The following CLSTN1 variants were observed in gnomAD, a reference collection of about 807,000 sequenced individuals.
The protein encoded by CLSTN1 is calsyntenin-1.
In CLSTN1, 28 loss-of-function variants were observed where a neutral mutation model predicts 108.3. The observed-to-expected ratio is 0.26, with a 90% CI of 0.19 to 0.35. The LOEUF (loss-of-function observed/expected upper bound fraction) is 0.35. CLSTN1 is among the 10% of genes least tolerant of loss of function. The pLI is 1.00. For missense variants in CLSTN1, 1,157 were observed against 1,302.6 expected (o/e 0.89, Z 1.72); for synonymous variants, 524 against 534.9 (o/e 0.98, Z 0.28).
At chr1:9,767,354 G>A (rs932059926) in intron 2 of CLSTN1, among the ~76,000 whole-genome samples, 2 of 152,046 alleles carry the variant, frequency 1.3e-5, no homozygotes, top group Non-Finnish European at 2.9e-5. Flanking sequence ...ACCAGCCTGG[G>A]GAACACGGTA....
In CLSTN1 at chr1:9,736,051, C is replaced by G; in HGVS notation, c.1577-9G>C. On this transcript the variant is annotated splice_polypyrimidine_tract_variant and intron_variant, in intron 11 of 18. Transcript: ENST00000377298. ...CATGTGCAGGTCGCCACCTTTGGGT[C>G]AGGGGAGAAAAGGCGAAGTCAGGCG... 1.2e-6 allele frequency: 2 copies of G among 1,614,078 alleles called. No homozygotes were observed. The highest frequency in any genetic ancestry group is 1.6e-4 in the Middle Eastern group (1 of 6,062).
intron 2 of CLSTN1, among the ~76,000 whole-genome samples, chr1:9,767,737 C>T (rs1012329042): frequency 5.3e-5 from 8 of 152,094 alleles, no homozygotes; most frequent in Non-Finnish European, 1.2e-4. Flanking sequence ...AAATAAGGCT[C>T]CAGGTCTAGC....
At chr1:9,777,876 G>C (rs1437542614) in intron 1 of CLSTN1, among the ~76,000 whole-genome samples, 1 of 152,048 alleles carries the variant, frequency 6.6e-6, no homozygotes, top group African/African-American at 2.4e-5. Flanking sequence ...ATCCTGCCAG[G>C]GTTTCAGGGA....
chr1:9,772,788 G>A (rs1322956394), intron 2 of CLSTN1, among the ~76,000 whole-genome samples: 5 of 152,226 alleles, frequency 3.3e-5, no homozygotes, highest in Admixed American at 1.3e-4. Flanking sequence ...TATAAAGACC[G>A]CTCAACTTCT....
intron 2 of CLSTN1, among the ~76,000 whole-genome samples, chr1:9,762,650 C>T (rs866985279): frequency 2.2e-5 from 3 of 135,184 alleles, no homozygotes; most frequent in Admixed American, 7.7e-5. Flanking sequence ...CTGTCCCTGA[C>T]GTTGGGTGAC....
chr1:9,799,198 A>T (rs1285607470), intron 1 of CLSTN1, among the ~76,000 whole-genome samples: 1 of 152,060 alleles, frequency 6.6e-6, no homozygotes, highest in Non-Finnish European at 1.5e-5. Flanking sequence ...AAAAAAATAC[A>T]TAAATTTTAA....
At chr1:9,816,654 C>CT (rs1163617751) in intron 1 of CLSTN1, among the ~76,000 whole-genome samples, 6 of 150,132 alleles carry the variant, frequency 4.0e-5, no homozygotes, top group East Asian at 2.0e-4. Flanking sequence ...CAAAAGTGGT[C>CT]TTTTTTTTTG....
chr1:9,735,023 A>G lies in CLSTN1; in HGVS notation c.2035T>C (p.Phe679Leu). 6.2e-7 allele frequency: 1 copy of G among 1,614,236 alleles called. No individual in the cohort carries two copies. Among genetic ancestry groups the G allele is most frequent in the Non-Finnish European group, 8.5e-7 (1 of 1,180,044 alleles). Residue 679 changes from phenylalanine (F) to leucine (L), a missense_variant, in exon 14 of 19, where the codon TTC (phenylalanine) becomes CTC (leucine). Coordinates refer to ENST00000377298, the MANE Select transcript of CLSTN1 (RefSeq NM_001009566.3). ...EFESSEGVFL[F>L]PELRIISTIT... ...GTGCTGATGATGCGAAGCTCAGGGA[A>G]AAGGAACACCCCTTCTGAGCTTTCA...
At chr1:9,772,298 C>T (rs967009367) in intron 2 of CLSTN1, among the ~76,000 whole-genome samples, 4 of 151,506 alleles carry the variant, frequency 2.6e-5, no homozygotes, top group Non-Finnish European at 5.9e-5. Context: ...CTCTTTAATA[C>T]GAGAAGTTTT....
chr1:9,788,879 A>C lies in CLSTN1; in HGVS notation c.92-15485T>G, dbSNP rs543108148. ...CGAGACTCCGTCTCAAAAAAAAAAA[A>C]AAAAAAAAACAAAAGGAATTTGACT... is the stretch of plus-strand genomic sequence containing the variant. On this transcript the variant is annotated intron_variant, in intron 1 of 18. Coordinates refer to ENST00000377298, the MANE Select transcript of CLSTN1 (RefSeq NM_001009566.3). Among the ~76,000 whole-genome samples, 125 of 151,324 alleles carry C rather than the reference A, an allele frequency of 8.3e-4. 2 individuals carry two copies. The highest frequency in any genetic ancestry group is 3.4e-3 in the Middle Eastern group (1 of 292).
At chr1:9,739,814 A>ATTT (rs35078301) in intron 10 of CLSTN1, among the ~76,000 whole-genome samples, 5 of 122,834 alleles carry the variant, frequency 4.1e-5, no homozygotes, top group African/African-American at 1.3e-4. Flanking sequence ...GCAATAGGGC[A>ATTT]TTTTTTTTTT....
chr1:9,810,044 G>T (rs1401417646), intron 1 of CLSTN1, among the ~76,000 whole-genome samples: 1 of 88,946 alleles, frequency 1.1e-5, no homozygotes, highest in Non-Finnish European at 2.4e-5. Context: ...GAGAAAGAGA[G>T]AGAGAGAAAG....
chr1:9,801,949 CAAA>C (rs1654290494), intron 1 of CLSTN1, among the ~76,000 whole-genome samples: 1 of 152,120 alleles, frequency 6.6e-6, no homozygotes, highest in African/African-American at 2.4e-5. Context: ...AAACCCTCAA[CAAA>C]GCAAGCAAAA....
intron 9 of CLSTN1, 34 bp downstream of exon 9, chr1:9,743,850 C>T: frequency 6.2e-7 from 1 of 1,611,622 alleles, no homozygotes; most frequent in Non-Finnish European, 8.5e-7. Context: ...GAGCACCTTG[C>T]CCGGCCCTAT....
chr1:9,733,841 G>A lies in CLSTN1; in HGVS notation c.2281+131C>T, dbSNP rs950568988. 2.6e-5 allele frequency: 25 copies of A among 958,134 alleles called. No individual in the cohort carries two copies. The African/African-American group carries it at 3.3e-4, about 13-fold the overall frequency. The allele number at this position is 958,134 out of a possible 1,614,324, so 59.4% of individuals were successfully genotyped here. ...GCGTGCAGCCAACAATGATCCCAGC[G>A]AACGTGCTCCTTCCCCATCTCCCTC... is the stretch of plus-strand genomic sequence containing the variant. On this transcript the variant is annotated intron_variant, in intron 15 of 18. Transcript: ENST00000377298.
At chr1:9,804,713 T>C (rs1654433175) in intron 1 of CLSTN1, among the ~76,000 whole-genome samples, 1 of 152,052 alleles carries the variant, frequency 6.6e-6, no homozygotes, top group Non-Finnish European at 1.5e-5. Flanking sequence ...AGGCATGTAG[T>C]CCCAGCTATT....
intron 1 of CLSTN1, among the ~76,000 whole-genome samples, chr1:9,792,761 G>A (rs1167641522): frequency 1.3e-5 from 2 of 151,396 alleles, no homozygotes; most frequent in Non-Finnish European, 1.5e-5. Context: ...GAGCTTTGGG[G>A]TCTTGGACCA....
chr1:9,822,300 C>A (rs1474348690), intron 1 of CLSTN1, among the ~76,000 whole-genome samples: 2 of 152,150 alleles, frequency 1.3e-5, no homozygotes, highest in Admixed American at 1.3e-4. Context: ...TTGACAGAGT[C>A]AACAGAATGT....
At chr1:9,784,450 G>A (rs868055930) in intron 1 of CLSTN1, among the ~76,000 whole-genome samples, 15 of 152,132 alleles carry the variant, frequency 9.9e-5, no homozygotes, top group Admixed American at 2.6e-4. Context: ...ACAGGCTGCC[G>A]TGAGCCAAGA....
Sources: gnomAD v4.1 joint callset for allele counts (sites outside exome capture counted in the v4.1 genomes callset) on GRCh38, gnomAD v4.1.1 for gene constraint, MANE v1.5 for transcripts, NCBI Gene and HGNC (gene_info 2026-07-23, HGNC 2026-07-21) for gene names.